The following MAGI3 variants were observed in gnomAD, a reference collection of about 807,000 sequenced individuals.
MAGI3 encodes the protein membrane-associated guanylate kinase, WW and PDZ domain-containing protein 3.
Under a neutral mutation model 121.8 loss-of-function variants are expected in MAGI3, and 43 were observed. That is an observed-to-expected ratio of 0.35 (90% confidence interval 0.28 to 0.46). MAGI3 has a LOEUF of 0.46. Ranked by LOEUF, MAGI3 falls within the 20% of genes least tolerant of loss-of-function variation. The pLI, the probability that MAGI3 is intolerant of heterozygous loss-of-function variation, is 1.00. For synonymous variants in MAGI3, 553 were observed against 639.3 expected (o/e 0.86, Z 2.04); for missense variants, 1,547 against 1,797.3 (o/e 0.86, Z 2.52).
At chr1:113,507,626 T>C (rs573796807) in intron 1 of MAGI3, among the ~76,000 whole-genome samples, 7 of 152,294 alleles carry the variant, frequency 4.6e-5, no homozygotes, top group African/African-American at 1.7e-4. Context: ...CAAAAATCTT[T>C]CAACAGATAA....
chr1:113,413,786 G>A (rs1419367634), intron 1 of MAGI3, among the ~76,000 whole-genome samples: 2 of 152,104 alleles, frequency 1.3e-5, no homozygotes, highest in South Asian at 2.1e-4. Flanking sequence ...GGGCTGAGAC[G>A]ATGGGGTTTT....
At chr1:113,656,926 T>G (rs1653505952) in intron 15 of MAGI3, among the ~76,000 whole-genome samples, 1 of 152,212 alleles carries the variant, frequency 6.6e-6, no homozygotes, top group African/African-American at 2.4e-5. Flanking sequence ...TATTTAAGAT[T>G]AAGAAGACTC....
chr1:113,574,841 G>A (rs1012269037), intron 2 of MAGI3, among the ~76,000 whole-genome samples: 1 of 152,024 alleles, frequency 6.6e-6, no homozygotes, highest in Non-Finnish European at 1.5e-5. Flanking sequence ...CATAGGTTTG[G>A]CCTTTTCACA....
chr1:113,451,484 A>G (rs1353390899), intron 1 of MAGI3, among the ~76,000 whole-genome samples: 1 of 152,184 alleles, frequency 6.6e-6, no homozygotes, highest in African/African-American at 2.4e-5. Flanking sequence ...CAGTTTTATC[A>G]CCCTTCTCAT....
intron 9 of MAGI3, among the ~76,000 whole-genome samples, chr1:113,624,303 T>C (rs1651082107): frequency 6.6e-6 from 1 of 152,210 alleles, no homozygotes; most frequent in South Asian, 2.1e-4. Context: ...ATAGTGGTTG[T>C]GCAAATTTAC....
intron 10 of MAGI3, 38 bp from the exon 11 acceptor site, chr1:113,643,705 T>C (rs768752672): frequency 3.1e-6 from 5 of 1,605,440 alleles, no homozygotes; most frequent in Non-Finnish European, 1.7e-6. Flanking sequence ...TGGGAATGCA[T>C]CCTCTGGTTT....
At chr1:113,508,526 A>G (rs1357974811) in intron 1 of MAGI3, among the ~76,000 whole-genome samples, 2 of 152,230 alleles carry the variant, frequency 1.3e-5, no homozygotes, top group Non-Finnish European at 2.9e-5. Context: ...AGGGGCAGTT[A>G]TCACAGTTCC....
chr1:113,453,115 G>T (rs1034029210), intron 1 of MAGI3, among the ~76,000 whole-genome samples: 1 of 152,170 alleles, frequency 6.6e-6, no homozygotes, highest in African/African-American at 2.4e-5. Context: ...ATGCCACCTA[G>T]TGTTCTCTTG....
intron 1 of MAGI3, among the ~76,000 whole-genome samples, chr1:113,428,999 C>T (rs1434939780): frequency 6.6e-6 from 1 of 152,180 alleles, no homozygotes; most frequent in African/African-American, 2.4e-5. Flanking sequence ...TCTTGTGGCT[C>T]TTATATTGGA....
Position 113,683,788 on chromosome 1 carries a change from C to G in MAGI3, c.4220C>G (p.Ser1407Ter), listed in dbSNP as rs1282606388. The change falls in exon 21 of 21, where the codon TCA becomes TGA. Residue 1407 changes from serine (S) to a stop codon, truncating the protein, a stop_gained. Coordinates refer to ENST00000307546, the MANE Select transcript of MAGI3 (RefSeq NM_001142782.2). LOFTEE classifies it low-confidence loss of function (END_TRUNC). ...NDKIGENVQL[S>*]EKRLKQEPEE... ...AAAATAGGAGAAAATGTCCAGCTAT[C>G]AGAAAAGAGGCTGAAGCAAGAACCT... 6.2e-7 allele frequency: 1 copy of G among 1,607,208 alleles called. No homozygotes were observed. The highest frequency in any genetic ancestry group is 8.5e-7 in the Non-Finnish European group (1 of 1,176,574).
At chr1:113,656,430 T>C (rs929275534) in intron 15 of MAGI3, among the ~76,000 whole-genome samples, 23 of 151,882 alleles carry the variant, frequency 1.5e-4, no homozygotes, top group Non-Finnish European at 2.6e-4. Context: ...TTTTTTTTTT[T>C]TTTGAGACAG....
chr1:113,618,699 T>G (rs1386692461), intron 7 of MAGI3: 22 of 291,200 alleles, frequency 7.6e-5, no homozygotes, highest in South Asian at 5.7e-4. Context: ...AGAGATGGGG[T>G]TTCACCATGT....
At chr1:113,437,242 C>T (rs1303011438) in intron 1 of MAGI3, among the ~76,000 whole-genome samples, 3 of 151,670 alleles carry the variant, frequency 2.0e-5, no homozygotes, top group African/African-American at 7.3e-5. Context: ...TCAGTCTTTT[C>T]TTTCCCCTTC....
chr1:113,599,179 C>T (rs1409959243), intron 6 of MAGI3, among the ~76,000 whole-genome samples: 1 of 152,078 alleles, frequency 6.6e-6, no homozygotes, highest in African/African-American at 2.4e-5. Context: ...CAAGAGCAAA[C>T]ACATTCAAAA....
At chr1:113,475,447 AG>A (rs2101549628) in intron 1 of MAGI3, among the ~76,000 whole-genome samples, 1 of 152,274 alleles carries the variant, frequency 6.6e-6, no homozygotes, top group Non-Finnish European at 1.5e-5. Context: ...TTTAGCATGA[AG>A]GGCTGTTGAA....
intron 1 of MAGI3, among the ~76,000 whole-genome samples, chr1:113,452,133 G>GT (rs1654514039): frequency 3.3e-5 from 5 of 151,850 alleles, no homozygotes; most frequent in African/African-American, 2.4e-5. Context: ...ATTCCTTTTT[G>GT]TTTTTTTCCT....
chr1:113,530,445 T>G (rs1658654621), intron 1 of MAGI3, among the ~76,000 whole-genome samples: 1 of 151,794 alleles, frequency 6.6e-6, no homozygotes, highest in African/African-American at 2.4e-5. Flanking sequence ...AGGGCCTATT[T>G]GAGGGTAGAG....
intron 1 of MAGI3, among the ~76,000 whole-genome samples, chr1:113,521,418 TTG>T (rs374119959): frequency 0.17 from 20,975 of 126,592 alleles, 2,430 homozygotes; most frequent in East Asian, 0.61. Context: ...TTTTTGTTTT[TTG>T]TTTTTAAGAT....
At chr1:113,650,893 A>G in intron 13 of MAGI3, 121 bp from the exon 14 acceptor site, 1 of 820,062 alleles carries the variant, frequency 1.2e-6, no homozygotes, top group Non-Finnish European at 1.9e-6. Context: ...TCTAAAATAT[A>G]ACTGTTTTCA....
Sources: gnomAD v4.1 joint callset for allele counts (sites outside exome capture counted in the v4.1 genomes callset) on GRCh38, gnomAD v4.1.1 for gene constraint, MANE v1.5 for transcripts, NCBI Gene and HGNC (gene_info 2026-07-23, HGNC 2026-07-21) for gene names.